Variants in EPX observed in about 807,000 individuals in gnomAD.
EPX encodes eosinophil peroxidase.
EPX carries 60 observed loss-of-function variants against 73.0 expected under a neutral mutation model. The observed-to-expected ratio is 0.82, with a 90% confidence interval of 0.67 to 1.02. The LOEUF (loss-of-function observed/expected upper bound fraction) is 1.02, where lower values mean the gene tolerates loss of function less well. Among genes scored for constraint, EPX ranks in the 50% least tolerant of loss-of-function variants. EPX has a pLI of 0.00. For synonymous variants in EPX, 347 were observed against 389.2 expected (o/e 0.89, Z 1.28); for missense variants, 950 against 973.9 (o/e 0.98, Z 0.33).
rs767305497 is a variant in EPX at position 58,197,091 on chromosome 17, G to A, written c.954G>A (p.Glu318=). The change falls in exon 7 of 13, where the codon GAG becomes GAA. Residue 318 remains glutamate (E), a synonymous_variant. Transcript: ENST00000225371. ...ACGCCAGCATGGTGTATGGCAGTGA[G>A]GTCTCCCTCTCGCTGCGGCTCCGCA... ...FVDASMVYGS[E]VSLSLRLRNR... 13 of 1,614,236 alleles carry A rather than the reference G, an allele frequency of 8.1e-6. No homozygotes were observed. The highest frequency in any genetic ancestry group is 1.1e-5 in the Non-Finnish European group (13 of 1,180,042).
chr17:58,200,731 A>C (rs1968329229), intron 10 of EPX, among the ~76,000 whole-genome samples: 1 of 152,220 alleles, frequency 6.6e-6, no homozygotes, highest in African/African-American at 2.4e-5. Flanking sequence ...CATTCCCAAC[A>C]CGCTGGCAAG....
intron 7 of EPX, among the ~76,000 whole-genome samples, chr17:58,197,735 C>A (rs553255149): frequency 5.8e-4 from 89 of 152,244 alleles, no homozygotes; most frequent in African/African-American, 2.0e-3. Context: ...ACAGTTAATA[C>A]CCTCTTCTGG....
intron 4 of EPX, 30 bp from the exon 5 acceptor site, chr17:58,193,933 C>T (rs760589017): frequency 1.2e-6 from 2 of 1,612,760 alleles, no homozygotes; most frequent in East Asian, 2.2e-5. Flanking sequence ...GGCCCTGCCC[C>T]CTGCTAACCT....
At chr17:58,203,620 C>T (rs1202059728) in intron 11 of EPX, among the ~76,000 whole-genome samples, 1 of 152,090 alleles carries the variant, frequency 6.6e-6, no homozygotes, top group Admixed American at 6.5e-5. Flanking sequence ...ATCTGGTTTC[C>T]CTCCAATACA....
chr17:58,195,215 C>G (rs771702321), intron 6 of EPX, 45 bp downstream of exon 6: 3 of 1,496,568 alleles, frequency 2.0e-6, no homozygotes, highest in African/African-American at 1.4e-5. Flanking sequence ...GTGGCCTCCC[C>G]CAAAGGCAAG....
rs753366728 is a variant in EPX at position 58,200,204 on chromosome 17, G to A, written c.1538-21G>A. On this transcript the variant is annotated intron_variant, in intron 9 of 12. Coordinates refer to ENST00000225371, the MANE Select transcript of EPX (RefSeq NM_000502.6). ...CCCAGAGGCTGGTCCAATCTGTGCT[G>A]CTCACATTCCCTGCCACCAGGGGGC... 8.1e-6 allele frequency: 13 copies of A among 1,613,160 alleles called. No homozygotes were observed. In the Admixed American group the frequency reaches 2.0e-4, roughly 25 times the overall value.
chr17:58,193,988 A>C lies in EPX; in HGVS notation c.490A>C (p.Asn164His). Residue 164 changes from asparagine (N) to histidine (H), a missense_variant, in exon 5 of 13, where the codon AAC (asparagine) becomes CAC (histidine). Asn to His is a moderately conservative substitution (Grantham distance 68, BLOSUM62 1). Coordinates refer to ENST00000225371, the MANE Select transcript of EPX (RefSeq NM_000502.6). Reference protein sequence around the residue: ...NKRRPLLGASNQALARWLPAE... With the variant: ...NKRRPLLGASHQALARWLPAE... Reference sequence around the variant, plus strand: ...GAGGAGACCCTTGCTAGGGGCCTCCAACCAGGCTCTGGCTCGCTGGCTGCC... The same window carrying C: ...GAGGAGACCCTTGCTAGGGGCCTCCCACCAGGCTCTGGCTCGCTGGCTGCC... The C allele has an allele frequency of 6.2e-7, 1 of 1,613,090 alleles. No individual in the cohort carries two copies. The highest frequency in any genetic ancestry group is 8.5e-7 in the Non-Finnish European group (1 of 1,180,024).
chr17:58,194,072 A>G lies in EPX; in HGVS notation c.574A>G (p.Asn192Asp), dbSNP rs755469362. The change falls in exon 5 of 13, where the codon AAT becomes GAT. Residue 192 changes from asparagine (N) to aspartate (D), a missense_variant. By Grantham distance (23) the Asn-to-Asp change is conservative. Coordinates refer to ENST00000225371, the MANE Select transcript of EPX (RefSeq NM_000502.6). ...PFGWTPSRRR[N>D]GFLLPLVRAV... ...CGGCTGGACCCCCAGCAGGAGGCGC[A>G]ATGGCTTCCTTCTCCCTCTTGTGAG... 6.2e-7 allele frequency: 1 copy of G among 1,613,478 alleles called. No homozygotes were observed. Among genetic ancestry groups the G allele is most frequent in the South Asian group, 1.1e-5 (1 of 91,082 alleles).
Position 58,193,733 on chromosome 17 carries a change from G to C in EPX, c.366G>C (p.Gln122His), listed in dbSNP as rs11652709. 496,544 of 1,610,026 alleles carry C rather than the reference G, an allele frequency of 0.31. 79,579 individuals are homozygous for C. The highest frequency in any genetic ancestry group is 0.32 in the Non-Finnish European group (380,342 of 1,178,088). The stretch of plus-strand genomic sequence containing the variant: ...CCACAGATGTGCTAACAGAACCACA[G>C]CTGCGGCTGCTGTCCCAGGCCAGTG... The part of the protein sequence containing the change: ...FNVTDVLTEP[Q>H]LRLLSQASGC... The change falls in exon 4 of 13, where the codon CAG (glutamine) becomes CAC (histidine). Residue 122 changes from glutamine to histidine, a missense_variant. Coordinates refer to ENST00000225371, the MANE Select transcript of EPX (RefSeq NM_000502.6).
Position 58,193,449 on chromosome 17 carries a change from C to G in EPX, c.249C>G (p.Thr83=). ...ACTTCAAACAACCGGTAGCAGCCAC[C>G]AGGACAGTTGTTCGGGCCGCAGATT... is the stretch of plus-strand genomic sequence containing the variant. The part of the protein sequence containing the change: ...LSYFKQPVAA[T]RTVVRAADYM... Residue 83 remains threonine, a synonymous_variant, in exon 3 of 13, where the codon ACC becomes ACG. Coordinates refer to ENST00000225371, the MANE Select transcript of EPX (RefSeq NM_000502.6). 1.2e-6 allele frequency: 2 copies of G among 1,614,152 alleles called. No individual in the cohort carries two copies. Among genetic ancestry groups the G allele is most frequent in the Non-Finnish European group, 1.7e-6 (2 of 1,179,982 alleles).
rs1597965194 is a variant in EPX, at chr17:58,193,848, A to G, written c.464+17A>G. On this transcript the variant is annotated intron_variant, in intron 4 of 12. Transcript: ENST00000225371. ...CAACAACAAGTGCGTGCGGGGCGGC[A>G]GGAGGGGCTGCCCCTGCCTGGGGGA... 6.3e-7 allele frequency: 1 copy of G among 1,599,632 alleles called. No homozygotes were observed.
intron 6 of EPX, among the ~76,000 whole-genome samples, chr17:58,196,586 T>C (rs1968258944): frequency 2.0e-5 from 3 of 152,142 alleles, no homozygotes; most frequent in South Asian, 4.1e-4. Flanking sequence ...GTCTGTCGAA[T>C]TGAACAGAAT....
Position 58,200,229 on chromosome 17 carries a change from C to A in EPX, c.1542C>A (p.Gly514=). ...FASWRIVYEG[G]IDPILRGLMA... ...GCTCACATTCCCTGCCACCAGGGGGCATCGACCCCATCCTCCGGGGCCTCA... is the reference window on the plus strand; with the variant it reads ...GCTCACATTCCCTGCCACCAGGGGGAATCGACCCCATCCTCCGGGGCCTCA... The change falls in exon 10 of 13, where the codon GGC becomes GGA. Residue 514 remains glycine (G), a synonymous_variant. Transcript: ENST00000225371. 4 of 1,614,046 alleles carry A rather than the reference C, an allele frequency of 2.5e-6. No homozygotes were observed. Among genetic ancestry groups the A allele is most frequent in the Non-Finnish European group, 3.4e-6 (4 of 1,179,958 alleles).
Position 58,204,429 on chromosome 17 carries a change from C to T in EPX, c.*6C>T. 1 of 1,611,852 alleles carries T rather than the reference C, an allele frequency of 6.2e-7. No individual in the cohort carries two copies. The highest frequency in any genetic ancestry group is 8.5e-7 in the Non-Finnish European group (1 of 1,178,096). ...CAGCCTGGCGAGGGACATGAGGCTT[C>T]TGCAGGTAAGGGGAGGCCACCTCCA... On this transcript the variant is annotated 3_prime_UTR_variant, in exon 12 of 13. Coordinates refer to ENST00000225371, the MANE Select transcript of EPX (RefSeq NM_000502.6).
intron 5 of EPX, 52 bp downstream of exon 5, chr17:58,194,144 A>T: frequency 1.9e-6 from 3 of 1,585,962 alleles, no homozygotes; most frequent in Non-Finnish European, 2.6e-6. Flanking sequence ...AAATGCGGGG[A>T]GTAAAACACA....
intron 6 of EPX, among the ~76,000 whole-genome samples, chr17:58,196,041 CTTTT>C (rs539356893): frequency 1.5e-5 from 1 of 64,960 alleles, no homozygotes; most frequent in East Asian, 3.2e-4. Flanking sequence ...TTCTTTCTTT[CTTTT>C]TCTTTCTTTT....
Position 58,196,941 on chromosome 17 carries a change from C to T in EPX, c.804C>T (p.Ile268=), listed in dbSNP as rs868275392. The change falls in exon 7 of 13, where the codon ATC becomes ATT. Residue 268 remains isoleucine, a splice_region_variant and synonymous_variant. Coordinates refer to ENST00000225371, the MANE Select transcript of EPX (RefSeq NM_000502.6). Reference sequence around the variant, plus strand: ...CACTGTCTCCTCTTCCATCTCAGATCCCACCCAATGACCCCCGCATCAAGA... The same window carrying T: ...CACTGTCTCCTCTTCCATCTCAGATTCCACCCAATGACCCCCGCATCAAGA... ...AQLPPCFPIK[I]PPNDPRIKNQ... 1.2e-6 allele frequency: 2 copies of T among 1,613,408 alleles called. No homozygotes were observed. The highest frequency in any genetic ancestry group is 1.7e-6 in the Non-Finnish European group (2 of 1,179,802).
In EPX at chr17:58,194,948, G is replaced by A. The variant is rs1205988265; in HGVS notation, c.595-16G>A. ...CAGGGAGCCCATGTCCCGTGCTGAT[G>A]TTATTTCCCCACCAGGTCCGGGCTG... On this transcript the variant is annotated splice_polypyrimidine_tract_variant and intron_variant, in intron 5 of 12. Coordinates refer to ENST00000225371, the MANE Select transcript of EPX (RefSeq NM_000502.6). 4.4e-6 allele frequency: 7 copies of A among 1,608,902 alleles called. No homozygotes were observed. Among genetic ancestry groups the A allele is most frequent in the Non-Finnish European group, 5.1e-6 (6 of 1,175,526 alleles).
rs1968408893 is a variant in EPX, at chr17:58,204,825, TGACGCTTCTGCTGGCTAC to T, written c.*102_*119del. On this transcript the variant is annotated 3_prime_UTR_variant, in exon 13 of 13. Coordinates refer to ENST00000225371, the MANE Select transcript of EPX (RefSeq NM_000502.6). ...TCTCCCTGGAGCAAGTGCAGGCTGC[TGACGCTTCTGCTGGCTAC>T]AGCTCAGAGCTGGGTTCCCCAGCCA... The T allele has an allele frequency of 4.1e-6, 1 of 246,248 alleles. No homozygotes were observed. The highest frequency in any genetic ancestry group is 8.0e-6 in the Non-Finnish European group (1 of 124,750). 15.3% of individuals were successfully genotyped at this position (246,248 alleles called of 1,614,324 possible).
Sources: gnomAD v4.1 joint callset for allele counts (sites outside exome capture counted in the v4.1 genomes callset) on GRCh38, gnomAD v4.1.1 for gene constraint, MANE v1.5 for transcripts, NCBI Gene and HGNC (gene_info 2026-07-23, HGNC 2026-07-21) for gene names.